The following ASTN2 variants were observed in gnomAD, a reference collection of about 807,000 sequenced individuals.
The protein encoded by ASTN2 is astrotactin 2.
In ASTN2, 54 loss-of-function variants were observed where a neutral mutation model predicts 139.8. The observed-to-expected ratio is 0.39, with a 90% CI of 0.31 to 0.48. The LOEUF is 0.48. Among genes scored for constraint, ASTN2 ranks in the 20% least tolerant of loss-of-function variants. The pLI is 0.95. For synonymous variants in ASTN2, 756 were observed against 719.5 expected (o/e 1.05, Z -0.81); for missense variants, 1,565 against 1,725.1 (o/e 0.91, Z 1.64).
chr9:116,845,525 A>C (rs1456173352), intron 11 of ASTN2, among the ~76,000 whole-genome samples: 3 of 152,188 alleles, frequency 2.0e-5, no homozygotes, highest in Non-Finnish European at 4.4e-5. Flanking sequence ...ATGATAAAAA[A>C]TGTGCCAAAC....
intron 19 of ASTN2, among the ~76,000 whole-genome samples, chr9:116,614,814 C>A (rs896762288): frequency 1.1e-4 from 16 of 152,188 alleles, no homozygotes; most frequent in African/African-American, 3.9e-4. Context: ...TAGGCATGGG[C>A]AAGGATTTCA....
At chr9:116,474,634 C>T (rs1468166438) in intron 20 of ASTN2, among the ~76,000 whole-genome samples, 3 of 152,176 alleles carry the variant, frequency 2.0e-5, no homozygotes, top group African/African-American at 7.2e-5. Flanking sequence ...GTGATGGACC[C>T]ACAGCCAAGA....
intron 2 of ASTN2, among the ~76,000 whole-genome samples, chr9:117,264,580 A>G (rs1833899632): frequency 6.6e-6 from 1 of 152,212 alleles, no homozygotes; most frequent in Admixed American, 6.5e-5. Context: ...AGAGCTTTCA[A>G]TCTTACTTCC....
chr9:117,153,379 A>G (rs1443276258), intron 3 of ASTN2, among the ~76,000 whole-genome samples: 2 of 152,118 alleles, frequency 1.3e-5, no homozygotes, highest in Non-Finnish European at 2.9e-5. Context: ...ACTTCATTCT[A>G]TCCTCCTTTC....
chr9:117,302,772 A>G (rs1374157176), intron 1 of ASTN2, among the ~76,000 whole-genome samples: 1 of 152,210 alleles, frequency 6.6e-6, no homozygotes, highest in East Asian at 1.9e-4. Flanking sequence ...AGCCTAGAAG[A>G]ATAAACATAC....
intron 1 of ASTN2, among the ~76,000 whole-genome samples, chr9:117,407,931 C>A (rs1360450820): frequency 1.3e-5 from 2 of 152,162 alleles, no homozygotes; most frequent in African/African-American, 4.8e-5. Flanking sequence ...TGCTGCTCCA[C>A]CCCAAGGTTA....
intron 16 of ASTN2, among the ~76,000 whole-genome samples, chr9:116,696,342 C>T (rs1860850265): frequency 6.6e-6 from 1 of 152,126 alleles, no homozygotes. Context: ...GCATTCTATA[C>T]ACTCTATATA....
At chr9:116,531,642 T>C (rs570564134) in intron 19 of ASTN2, among the ~76,000 whole-genome samples, 86 of 152,238 alleles carry the variant, frequency 5.6e-4, no homozygotes, top group African/African-American at 2.0e-3. Flanking sequence ...TGTGATAGTT[T>C]GCTGAGAATG....
At chr9:117,273,742 A>G (rs748808576) in intron 2 of ASTN2, among the ~76,000 whole-genome samples, 2 of 152,152 alleles carry the variant, frequency 1.3e-5, no homozygotes, top group Non-Finnish European at 2.9e-5. Context: ...CTTAAAATCC[A>G]TCTGCTTTTT....
intron 5 of ASTN2, among the ~76,000 whole-genome samples, chr9:117,070,037 T>C (rs552091315): frequency 5.6e-4 from 85 of 150,772 alleles, no homozygotes; most frequent in African/African-American, 1.9e-3. Flanking sequence ...TATGTGTGAG[T>C]TTGATCCTGT....
At chr9:116,999,671 T>G (rs1837136971) in intron 7 of ASTN2, among the ~76,000 whole-genome samples, 1 of 146,274 alleles carries the variant, frequency 6.8e-6, no homozygotes, top group African/African-American at 2.5e-5. Context: ...GCAAATCTTG[T>G]GCCTCAACCT....
chr9:116,454,406 T>C (rs1404324469), intron 20 of ASTN2, among the ~76,000 whole-genome samples: 1 of 151,886 alleles, frequency 6.6e-6, no homozygotes, highest in African/African-American at 2.4e-5. Context: ...AAAAAAAGCA[T>C]CCAGATAATG....
intron 16 of ASTN2, among the ~76,000 whole-genome samples, chr9:116,705,090 G>T (rs775572263): frequency 6.6e-6 from 1 of 152,120 alleles, no homozygotes; most frequent in Non-Finnish European, 1.5e-5. Context: ...CCTGTTAAGT[G>T]GTTAAAGCTT....
intron 12 of ASTN2, among the ~76,000 whole-genome samples, chr9:116,820,002 C>A (rs895598565): frequency 6.6e-6 from 1 of 152,206 alleles, no homozygotes; most frequent in Non-Finnish European, 1.5e-5. Context: ...TTGGTCCCAA[C>A]GTGTTCCCCT....
At chr9:116,703,136 A>G (rs1827890413) in intron 16 of ASTN2, among the ~76,000 whole-genome samples, 1 of 150,618 alleles carries the variant, frequency 6.6e-6, no homozygotes, top group Non-Finnish European at 1.5e-5. Context: ...CCTCTCCAGC[A>G]CCTGTTGTTT....
chr9:117,220,641 G>C (rs1832482438), intron 2 of ASTN2, among the ~76,000 whole-genome samples: 1 of 152,136 alleles, frequency 6.6e-6, no homozygotes, highest in Admixed American at 6.5e-5. Flanking sequence ...ATGGTCATCA[G>C]CAACCATGAG....
chr9:117,280,791 G>A (rs998340146), intron 2 of ASTN2, among the ~76,000 whole-genome samples: 1 of 152,248 alleles, frequency 6.6e-6, no homozygotes, highest in South Asian at 2.1e-4. Flanking sequence ...CCACTGTAAA[G>A]TCACTATTTT....
chr9:116,837,224 T>A (rs1832029404), intron 11 of ASTN2, among the ~76,000 whole-genome samples: 1 of 152,168 alleles, frequency 6.6e-6, no homozygotes, highest in Non-Finnish European at 1.5e-5. Context: ...GTCAGCCTAA[T>A]AAGGACTCTA....
chr9:116,470,299 G>A (rs894293925), intron 20 of ASTN2, among the ~76,000 whole-genome samples: 16 of 152,186 alleles, frequency 1.1e-4, no homozygotes, highest in African/African-American at 3.9e-4. Context: ...GGCGTGTTCT[G>A]AGGCCCTGTG....
Sources: allele counts gnomAD v4.1 joint callset (sites outside exome capture counted in the v4.1 genomes callset), GRCh38; gene constraint gnomAD v4.1.1; transcripts MANE v1.5; gene names NCBI Gene and HGNC (gene_info 2026-07-23, HGNC 2026-07-21).